Variants in PRKG1 observed in about 807,000 individuals in gnomAD.
PRKG1 encodes the protein cGMP-dependent protein kinase 1.
In PRKG1, 35 loss-of-function variants were observed where a neutral mutation model predicts 88.1. The observed-to-expected ratio is 0.40, with a 90% CI of 0.30 to 0.53. PRKG1 has a LOEUF of 0.53. PRKG1 is among the 20% of genes least tolerant of loss of function. PRKG1 has a pLI of 0.59. For synonymous variants in PRKG1, 303 were observed against 292.5 expected (o/e 1.04, Z -0.37); for missense variants, 540 against 839.8 (o/e 0.64, Z 4.41).
At position 51,968,724 on chromosome 10, in the gene PRKG1, G is replaced by A. The variant is rs534721093; in HGVS notation, c.762+61154G>A. 1.2e-3 allele frequency among the ~76,000 whole-genome samples: 186 copies of A among 151,008 alleles called. 1 individual carries two copies. The highest frequency in any genetic ancestry group is 4.1e-3 in the African/African-American group (168 of 41,200). On this transcript the variant is annotated intron_variant, in intron 5 of 17. Transcript: ENST00000373980. ...TATAATCCCAGCTACTCAGGAGGCT[G>A]AGGCAGGATAATCGCTTAAATCCAG...
intron 2 of PRKG1, among the ~76,000 whole-genome samples, chr10:51,344,458 A>G (rs1341327481): frequency 6.6e-6 from 1 of 152,232 alleles, no homozygotes; most frequent in African/African-American, 2.4e-5. Flanking sequence ...TAGTCAAACT[A>G]TATCAGACAC....
chr10:51,895,851 G>A (rs1391463375), intron 4 of PRKG1, among the ~76,000 whole-genome samples: 1 of 151,964 alleles, frequency 6.6e-6, no homozygotes, highest in Non-Finnish European at 1.5e-5. Context: ...CCCAAGAGTG[G>A]GTTTCTCTGC....
intron 4 of PRKG1, among the ~76,000 whole-genome samples, chr10:51,867,880 A>G (rs1279474296): frequency 6.6e-6 from 1 of 152,230 alleles, no homozygotes; most frequent in East Asian, 1.9e-4. Flanking sequence ...GTTAACAAAC[A>G]TACACAAAAA....
intron 5 of PRKG1, among the ~76,000 whole-genome samples, chr10:52,031,783 C>T (rs1410806188): frequency 1.3e-5 from 2 of 152,058 alleles, no homozygotes; most frequent in Non-Finnish European, 2.9e-5. Flanking sequence ...ATAGAAGCTG[C>T]AATTATGAAA....
At chr10:51,340,594 G>A (rs1373302293) in intron 2 of PRKG1, among the ~76,000 whole-genome samples, 3 of 152,108 alleles carry the variant, frequency 2.0e-5, no homozygotes, top group African/African-American at 7.2e-5. Flanking sequence ...CATGAGCCAG[G>A]CATAATGCCC....
intron 7 of PRKG1, among the ~76,000 whole-genome samples, chr10:52,131,512 A>G (rs968926426): frequency 2.0e-5 from 3 of 152,008 alleles, no homozygotes; most frequent in Non-Finnish European, 4.4e-5. Flanking sequence ...TATGGAAAGC[A>G]TGTTAAGAAC....
At chr10:51,414,088 C>T (rs925315751) in intron 2 of PRKG1, among the ~76,000 whole-genome samples, 4 of 152,144 alleles carry the variant, frequency 2.6e-5, no homozygotes, top group Non-Finnish European at 5.9e-5. Context: ...GATAACAATA[C>T]CCATTTTTTA....
At chr10:52,080,151 A>C (rs1564460096) in intron 7 of PRKG1, among the ~76,000 whole-genome samples, 1 of 152,206 alleles carries the variant, frequency 6.6e-6, no homozygotes, top group South Asian at 2.1e-4. Context: ...TATAATATTA[A>C]CCATTCCTGA....
intron 3 of PRKG1, among the ~76,000 whole-genome samples, chr10:51,537,757 G>A (rs1015708834): frequency 6.6e-6 from 1 of 151,582 alleles, no homozygotes. Context: ...AATTACTCGG[G>A]GAGCTTTTAA....
chr10:51,690,493 G>A (rs76182749), intron 3 of PRKG1, among the ~76,000 whole-genome samples: 4,388 of 152,264 alleles, frequency 0.029, 178 homozygotes, highest in African/African-American at 0.097. Context: ...AGTTTATATA[G>A]TGGGTCATTT....
intron 5 of PRKG1, chr10:51,911,332 A>C (rs1463604047): frequency 6.8e-6 from 1 of 146,838 alleles, no homozygotes; most frequent in African/African-American, 2.5e-5. Context: ...AAAAAAAAAA[A>C]AAACCCAACA....
chr10:51,639,242 G>A (rs1839732661), intron 3 of PRKG1, among the ~76,000 whole-genome samples: 1 of 151,632 alleles, frequency 6.6e-6, no homozygotes, highest in Admixed American at 6.6e-5. Context: ...AGACCATCCT[G>A]GCTAACACGG....
chr10:51,266,759 G>T (rs1839846297), intron 2 of PRKG1, among the ~76,000 whole-genome samples: 1 of 152,174 alleles, frequency 6.6e-6, no homozygotes, highest in Non-Finnish European at 1.5e-5. Flanking sequence ...ACACAATGTG[G>T]TTTCACAGAT....
chr10:51,164,465 A>C (rs1317802143), intron 2 of PRKG1, among the ~76,000 whole-genome samples: 1 of 152,138 alleles, frequency 6.6e-6, no homozygotes, highest in East Asian at 1.9e-4. Flanking sequence ...GAGCAGAAAA[A>C]CTGGAAACTC....
At chr10:51,127,120 A>G (rs897149154) in intron 1 of PRKG1, among the ~76,000 whole-genome samples, 3 of 152,204 alleles carry the variant, frequency 2.0e-5, no homozygotes, top group Non-Finnish European at 4.4e-5. Flanking sequence ...ATGGGATCTA[A>G]TTAAACTAAA....
intron 3 of PRKG1, among the ~76,000 whole-genome samples, chr10:51,609,793 C>T (rs568753647): frequency 1.4e-4 from 22 of 152,114 alleles, no homozygotes; most frequent in African/African-American, 4.8e-4. Context: ...ACAATGAGAA[C>T]ACATGGACAT....
intron 1 of PRKG1, among the ~76,000 whole-genome samples, chr10:51,104,640 C>T (rs1844775770): frequency 6.6e-6 from 1 of 152,096 alleles, no homozygotes; most frequent in South Asian, 2.1e-4. Context: ...GTGCCTCAGC[C>T]TCTGGAGTAG....
intron 3 of PRKG1, among the ~76,000 whole-genome samples, chr10:51,589,599 G>A (rs891498452): frequency 6.6e-6 from 1 of 152,052 alleles, no homozygotes; most frequent in Admixed American, 6.6e-5. Flanking sequence ...CTCCAGCCTG[G>A]GCGACAGAGT....
chr10:52,192,492 G>A (rs954302917), intron 9 of PRKG1, among the ~76,000 whole-genome samples: 1 of 152,092 alleles, frequency 6.6e-6, no homozygotes, highest in Non-Finnish European at 1.5e-5. Context: ...TTCTAAGGGA[G>A]TAGCATATTA....
Sources: allele counts gnomAD v4.1 joint callset (sites outside exome capture counted in the v4.1 genomes callset), GRCh38; gene constraint gnomAD v4.1.1; transcripts MANE v1.5; gene names NCBI Gene and HGNC (gene_info 2026-07-23, HGNC 2026-07-21).